The following TMOD1 variants were observed in gnomAD, a reference collection of about 807,000 sequenced individuals.
TMOD1 encodes the protein tropomodulin 1.
Under a neutral mutation model 40.6 loss-of-function variants are expected in TMOD1, and 17 were observed. The observed-to-expected ratio is 0.42, with a 90% CI of 0.29 to 0.63. The LOEUF is 0.63. TMOD1 is among the 20% of genes least tolerant of loss of function. The pLI, the probability that TMOD1 is intolerant of heterozygous loss-of-function variation, is 0.22. For synonymous variants in TMOD1, 181 were observed against 175.0 expected (o/e 1.03, Z -0.27); for missense variants, 391 against 447.6 (o/e 0.87, Z 1.14).
intron 7 of TMOD1, 150 bp from the exon 8 acceptor site, chr9:97,568,744 G>A: frequency 1.1e-6 from 1 of 876,928 alleles, no homozygotes; most frequent in Non-Finnish European, 1.8e-6. Flanking sequence ...GGTTGCAGGA[G>A]AGGAGAGACA....
chr9:97,562,880 A>C, intron 5 of TMOD1, 59 bp downstream of exon 5: 1 of 1,378,390 alleles, frequency 7.3e-7, no homozygotes, highest in Non-Finnish European at 1.0e-6. Flanking sequence ...CCACTCACTG[A>C]TGTTCTCTGG....
chr9:97,536,478 T>C (rs1160552778), intron 2 of TMOD1, among the ~76,000 whole-genome samples: 1 of 152,142 alleles, frequency 6.6e-6, no homozygotes, highest in Non-Finnish European at 1.5e-5. Flanking sequence ...AATTACTCAA[T>C]GCCCCTGGAC....
upstream of TMOD1, chr9:97,501,610 C>T (rs1174209065): frequency 6.7e-6 from 1 of 149,274 alleles, no homozygotes; most frequent in Non-Finnish European, 1.5e-5. Flanking sequence ...CGAGCCGGGC[C>T]CGCCCCTGGC....
At chr9:97,553,525 C>A in intron 4 of TMOD1, 125 bp downstream of exon 4, 2 of 1,327,638 alleles carry the variant, frequency 1.5e-6, no homozygotes, top group Non-Finnish European at 2.1e-6. Context: ...TAGAGGAGAC[C>A]GAGAGTGTTC....
chr9:97,561,746 G>T (rs1447455233), intron 4 of TMOD1, among the ~76,000 whole-genome samples: 1 of 152,156 alleles, frequency 6.6e-6, no homozygotes, highest in African/African-American at 2.4e-5. Flanking sequence ...AGCTGGAAAG[G>T]TCTTTCCTGA....
At position 97,599,667 on chromosome 9, in the gene TMOD1, C is replaced by CCAT. The variant is rs1453594348; in HGVS notation, c.1053_1055dup (p.Ile352dup). The CCAT allele has an allele frequency of 6.2e-7, 1 of 1,614,156 alleles. No homozygotes were observed. Among genetic ancestry groups the CCAT allele is most frequent in the South Asian group, 1.1e-5 (1 of 91,084 alleles). On this transcript the variant is annotated inframe_insertion, in exon 10 of 10. Coordinates refer to ENST00000259365, the MANE Select transcript of TMOD1 (RefSeq NM_003275.4). ...AGGAGGCTTGCGGACCTGACTGGGC[C>CCAT]CATCATTCCCAAGTGCCGGAGTGGT...
chr9:97,524,497 G>GGTGTGT (rs71369515), intron 2 of TMOD1, among the ~76,000 whole-genome samples, 189 bp downstream of exon 2: 37,319 of 142,610 alleles, frequency 0.26, 5,295 homozygotes, highest in East Asian at 0.36. Context: ...GAACCAATAG[G>GGTGTGT]GTGTGTGTGT....
chr9:97,559,789 AAAAAAATATATATATATATATATAT>A (rs1256195499), intron 4 of TMOD1, among the ~76,000 whole-genome samples: 1 of 43,812 alleles, frequency 2.3e-5, no homozygotes, highest in African/African-American at 9.0e-5. Context: ...AAAAAAAAAA[AAAAAAATATATATATATATATATAT>A]ATATATATAT....
At position 97,600,770 on chromosome 9, in the gene TMOD1, G is replaced by A. The variant is rs182153610; in HGVS notation, c.*1072G>A. 168 of 1,011,088 alleles carry A rather than the reference G, an allele frequency of 1.7e-4. No individual in the cohort carries two copies. The highest frequency in any genetic ancestry group is 1.9e-4 in the Non-Finnish European group (161 of 845,186). The allele number at this position is 1,011,088 out of a possible 1,614,324, so 62.6% of individuals were successfully genotyped here. A position where few individuals can be genotyped will look rare whatever the true frequency, so the allele number is the denominator to read the frequency against. On this transcript the variant is annotated 3_prime_UTR_variant, in exon 10 of 10. Transcript: ENST00000259365. The stretch of plus-strand genomic sequence containing the variant: ...GGAAATCCTGGCCAAACCACCCCAA[G>A]ATGATTACACTGAAATGTAGTATTA...
At chr9:97,567,580 G>A (rs1270021725) in intron 7 of TMOD1, among the ~76,000 whole-genome samples, 1 of 152,246 alleles carries the variant, frequency 6.6e-6, no homozygotes. Flanking sequence ...TTGCCTACTG[G>A]TTGTTATTTT....
chr9:97,549,038 A>G (rs1469987101), intron 3 of TMOD1, among the ~76,000 whole-genome samples: 1 of 152,184 alleles, frequency 6.6e-6, no homozygotes, highest in Non-Finnish European at 1.5e-5. Context: ...GAAGAGCCAT[A>G]AACTGGCACA....
chr9:97,555,493 T>C, intron 4 of TMOD1: 1 of 1,441,564 alleles, frequency 6.9e-7, no homozygotes, highest in South Asian at 1.5e-5. Context: ...TTGAAACTAC[T>C]TCTCTTTATT....
In TMOD1 at chr9:97,553,346, G is replaced by A; in HGVS notation, c.343G>A (p.Glu115Lys). 2 of 1,614,240 alleles carry A rather than the reference G, an allele frequency of 1.2e-6. No individual in the cohort carries two copies. The highest frequency in any genetic ancestry group is 1.6e-4 in the Middle Eastern group (1 of 6,062). The change falls in exon 4 of 10, where the codon GAG becomes AAG. Residue 115 changes from glutamate (E) to lysine (K), a missense_variant. Transcript: ENST00000259365. ...GCTGGAAAGTGTGACGCTGGAACCG[G>A]AGCTGGAGGAAGCCTTGGCAAATGC... Reference protein sequence around the residue: ...PVLESVTLEPELEEALANASD... With the variant: ...PVLESVTLEPKLEEALANASD...
chr9:97,583,241 T>C (rs1360715461), intron 8 of TMOD1, among the ~76,000 whole-genome samples: 1 of 148,306 alleles, frequency 6.7e-6, no homozygotes, highest in Admixed American at 6.7e-5. Context: ...AGGCTTTTTC[T>C]GCATCTATTG....
intron 8 of TMOD1, among the ~76,000 whole-genome samples, chr9:97,590,052 G>A (rs945638610): frequency 3.3e-5 from 5 of 151,630 alleles, no homozygotes; most frequent in Non-Finnish European, 5.9e-5. Flanking sequence ...TTTGTGACCA[G>A]GGTTTTTTTT....
chr9:97,590,525 C>G (rs1426979295), intron 8 of TMOD1, among the ~76,000 whole-genome samples: 3 of 152,064 alleles, frequency 2.0e-5, no homozygotes, highest in Non-Finnish European at 2.9e-5. Flanking sequence ...CACGCCTGGC[C>G]TCTTAAGAAA....
intron 8 of TMOD1, among the ~76,000 whole-genome samples, chr9:97,577,265 G>A (rs552161678): frequency 2.6e-4 from 39 of 149,636 alleles, no homozygotes; most frequent in African/African-American, 1.0e-3. Context: ...ACTTCTAATG[G>A]TCAGAGGCAT....
chr9:97,578,689 T>G (rs192258599), intron 8 of TMOD1, among the ~76,000 whole-genome samples: 1 of 152,190 alleles, frequency 6.6e-6, no homozygotes, highest in East Asian at 1.9e-4. Flanking sequence ...AAGATGCAGA[T>G]GCTGGCTCCT....
At chr9:97,572,597 G>C (rs1285383570) in intron 8 of TMOD1, among the ~76,000 whole-genome samples, 2 of 152,148 alleles carry the variant, frequency 1.3e-5, no homozygotes, top group Non-Finnish European at 2.9e-5. Context: ...CCCCAGGCTG[G>C]GGGGAGGCAG....
Sources: allele counts gnomAD v4.1 joint callset (sites outside exome capture counted in the v4.1 genomes callset), GRCh38; gene constraint gnomAD v4.1.1; transcripts MANE v1.5; gene names NCBI Gene and HGNC (gene_info 2026-07-23, HGNC 2026-07-21).